The following RPS29 variants were observed in gnomAD, a reference collection of about 807,000 sequenced individuals.
RPS29 encodes small ribosomal subunit protein uS14.
For missense variants in RPS29, 60 were observed against 75.7 expected (o/e 0.79, Z 0.77); for synonymous variants, 37 against 26.9 (o/e 1.37, Z -1.16).
exon 3 of RPS29, chr14:49,574,175 TG>T (rs1293296120): frequency 6.6e-6 from 1 of 152,224 alleles, no homozygotes; most frequent in Non-Finnish European, 1.5e-5. Flanking sequence ...AAAGGCTTAT[TG>T]ATTTTTCTAG....
At chr14:49,586,552 T>A, upstream of RPS29, 1 of 593,702 alleles carries the variant, frequency 1.7e-6, no homozygotes, top group South Asian at 1.9e-5. Context: ...CCACAGCTTC[T>A]AGTGCTATTC....
upstream of RPS29, among the ~76,000 whole-genome samples, chr14:49,591,140 G>T (rs1370555168): frequency 6.6e-6 from 1 of 152,008 alleles, no homozygotes; most frequent in Non-Finnish European, 1.5e-5. Context: ...CATACTTCAG[G>T]AAAGGGGACT....
downstream of RPS29, among the ~76,000 whole-genome samples, chr14:49,582,139 A>G (rs1486806558): frequency 6.6e-6 from 1 of 152,116 alleles, no homozygotes; most frequent in Non-Finnish European, 1.5e-5. Context: ...AGTGAAATGA[A>G]CTTAAGTTCA....
At chr14:49,577,479 G>C (rs1881215443) in exon 3 of RPS29, 3 of 471,516 alleles carry the variant, frequency 6.4e-6, no homozygotes, top group South Asian at 6.0e-5. Context: ...TGGCTTTGCA[G>C]TTCTTGGAAG....
Position 49,598,613 on chromosome 14 carries a change from C to A in RPS29, c.-346G>T, listed in dbSNP as rs943387045. ...TAACGCAGAGGCACACCTGCCTTCC[C>A]TCGGGAAACAGCGGCCCGACGTGCG... On this transcript the variant is annotated 5_prime_UTR_variant, in exon 1 of 4. Transcript: ENST00000556230. 38 of 701,470 alleles carry A rather than the reference C, an allele frequency of 5.4e-5. No homozygotes were observed. In the Admixed American group the frequency reaches 7.4e-4, roughly 14 times the overall value. The allele number at this position is 701,470 out of a possible 1,614,324, so 43.5% of individuals were successfully genotyped here.
chr14:49,592,465 T>G (rs1030400842), intron 1 of RPS29: 6 of 150,452 alleles, frequency 4.0e-5, no homozygotes, highest in Non-Finnish European at 8.9e-5. Context: ...TCTCCCGGGT[T>G]CAAGCGATTC....
Position 49,585,943 on chromosome 14 carries a change from C to T in RPS29, c.162+7G>A, listed in dbSNP as rs375524772. ...AAACAACATGGAGTACGCCTGCAGA[C>T]GCCTACCTTAATGAAACCGATATCC... is the stretch of plus-strand genomic sequence containing the variant. On this transcript the variant is annotated splice_region_variant and intron_variant, in intron 2 of 2. Transcript: ENST00000245458. 1.9e-6 allele frequency: 3 copies of T among 1,609,846 alleles called. No individual in the cohort carries two copies. Among genetic ancestry groups the T allele is most frequent in the South Asian group, 1.1e-5 (1 of 90,976 alleles).
chr14:49,577,545 C>T, exon 3 of RPS29: 2 of 602,314 alleles, frequency 3.3e-6, no homozygotes. Context: ...GCAGTACTTC[C>T]AGCTCCTTAA....
At chr14:49,585,790 C>T (rs971097893) in intron 2 of RPS29, 160 bp downstream of exon 2, 7 of 612,828 alleles carry the variant, frequency 1.1e-5, no homozygotes, top group South Asian at 2.0e-5. Context: ...AAACCATCAA[C>T]ACTGTCACCA....
At chr14:49,598,646 C>A (rs763336832) in exon 1 of RPS29, 4 of 700,702 alleles carry the variant, frequency 5.7e-6, no homozygotes, top group South Asian at 4.5e-5. Flanking sequence ...GCGCCCGCAA[C>A]GCGTAAAGCG....
chr14:49,595,302 T>C (rs887167010), intron 1 of RPS29, among the ~76,000 whole-genome samples: 1 of 152,042 alleles, frequency 6.6e-6, no homozygotes, highest in African/African-American at 2.4e-5. Context: ...GAATCTGATG[T>C]GGGTGGGGCA....
At chr14:49,591,930 T>G (rs1424516253) in intron 1 of RPS29, among the ~76,000 whole-genome samples, 1 of 152,146 alleles carries the variant, frequency 6.6e-6, no homozygotes, top group Non-Finnish European at 1.5e-5. Flanking sequence ...CCAATTTGAT[T>G]TTTTAAAGTC....
intron 1 of RPS29, 21 bp from the exon 2 acceptor site, chr14:49,586,070 G>C (rs1445502540): frequency 1.2e-6 from 2 of 1,601,146 alleles, no homozygotes; most frequent in Non-Finnish European, 8.6e-7. Context: ...AGAGACAGCG[G>C]TTTTGCAGGT....
downstream of RPS29, among the ~76,000 whole-genome samples, chr14:49,582,977 AGT>A (rs1881386473): frequency 6.6e-6 from 1 of 152,192 alleles, no homozygotes; most frequent in African/African-American, 2.4e-5. Flanking sequence ...TCTATTCAAA[AGT>A]GTGTGAACAT....
upstream of RPS29, chr14:49,586,690 C>A (rs548225199): frequency 7.0e-6 from 2 of 283,784 alleles, no homozygotes; most frequent in African/African-American, 2.1e-5. Flanking sequence ...GATCGGGTGT[C>A]CGCACTAAGT....
upstream of RPS29, chr14:49,586,450 C>T: frequency 3.9e-6 from 4 of 1,013,526 alleles, no homozygotes; most frequent in Middle Eastern, 2.0e-4. Flanking sequence ...TCAAAGGAAA[C>T]GCGTGCGCAG....
At position 49,586,343 on chromosome 14, in the gene RPS29, C is replaced by A. The variant is rs759810229; in HGVS notation, c.4G>T (p.Gly2Cys). 1.2e-6 allele frequency: 2 copies of A among 1,613,698 alleles called. No homozygotes were observed. Residue 2 changes from glycine (G) to cysteine (C), a missense_variant, in exon 1 of 3, where the codon GGT becomes TGT. Transcript: ENST00000245458. MGHQQLYWSHPR... is the reference protein window; with the variant it reads MCHQQLYWSHPR... ...TGGCTCCAGTACAGCTGCTGGTGACCCATCTTGCTCTCAGCAGTGCAACGA... is the reference window on the plus strand; with the variant it reads ...TGGCTCCAGTACAGCTGCTGGTGACACATCTTGCTCTCAGCAGTGCAACGA...
chr14:49,578,246 A>C (rs1881240234), intron 2 of RPS29, among the ~76,000 whole-genome samples: 1 of 152,164 alleles, frequency 6.6e-6, no homozygotes, highest in Non-Finnish European at 1.5e-5. Context: ...GCAATCTAAA[A>C]ATAGAATGAG....
intron 1 of RPS29, among the ~76,000 whole-genome samples, chr14:49,593,485 C>T (rs1480909337): frequency 2.0e-5 from 3 of 151,946 alleles, no homozygotes; most frequent in African/African-American, 7.3e-5. Flanking sequence ...AGGTGGATCA[C>T]CTGAGGTTAG....
Sources: allele counts gnomAD v4.1 joint callset (sites outside exome capture counted in the v4.1 genomes callset), GRCh38; gene constraint gnomAD v4.1.1; transcripts MANE v1.5; gene names NCBI Gene and HGNC (gene_info 2026-07-23, HGNC 2026-07-21).